The following RSRC1 variants were observed in gnomAD, a reference collection of about 807,000 sequenced individuals.
The protein encoded by RSRC1 is serine/Arginine-related protein 53.
RSRC1 carries 39 observed loss-of-function variants against 49.1 expected under a neutral mutation model. The ratio of observed to expected loss-of-function variants is 0.79; its 90% confidence interval spans 0.61 to 1.04. RSRC1 has a LOEUF of 1.04. Ranked by LOEUF, RSRC1 falls within the 50% of genes least tolerant of loss-of-function variation. RSRC1 has a pLI of 0.00. For missense variants in RSRC1, 388 were observed against 402.4 expected (o/e 0.96, Z 0.31); for synonymous variants, 143 against 130.8 (o/e 1.09, Z -0.63).
intron 3 of RSRC1, among the ~76,000 whole-genome samples, chr3:158,137,798 C>T (rs932670042): frequency 4.0e-5 from 6 of 151,732 alleles, no homozygotes; most frequent in South Asian, 2.1e-4. Context: ...GGATTACAGG[C>T]GCCCACCACC....
chr3:158,475,589 A>G (rs776370713), intron 7 of RSRC1, among the ~76,000 whole-genome samples: 2 of 152,098 alleles, frequency 1.3e-5, no homozygotes, highest in Non-Finnish European at 2.9e-5. Flanking sequence ...TGTCATTGTG[A>G]TGACTGATCA....
At chr3:158,481,500 T>C (rs757515992) in intron 7 of RSRC1, among the ~76,000 whole-genome samples, 4 of 152,078 alleles carry the variant, frequency 2.6e-5, no homozygotes, top group Non-Finnish European at 4.4e-5. Context: ...TACTGTGAGT[T>C]TGGAATTCAG....
chr3:158,137,458 GC>G (rs1410728001), intron 3 of RSRC1, among the ~76,000 whole-genome samples: 1 of 151,408 alleles, frequency 6.6e-6, no homozygotes. Flanking sequence ...TTAAGATGAT[GC>G]CCTTGCAGTT....
chr3:158,359,444 G>A (rs1369073878), intron 6 of RSRC1, among the ~76,000 whole-genome samples: 2 of 152,224 alleles, frequency 1.3e-5, no homozygotes, highest in Non-Finnish European at 2.9e-5. Context: ...ATTCTTTGGT[G>A]TTATCGGATC....
At chr3:158,366,400 G>A (rs1578392601) in intron 6 of RSRC1, among the ~76,000 whole-genome samples, 1 of 152,172 alleles carries the variant, frequency 6.6e-6, no homozygotes, top group East Asian at 1.9e-4. Flanking sequence ...TTATTAAATA[G>A]GGAGTCCTTT....
intron 1 of RSRC1, among the ~76,000 whole-genome samples, chr3:158,121,067 A>G (rs903091344): frequency 1.3e-5 from 2 of 151,904 alleles, no homozygotes; most frequent in Admixed American, 1.3e-4. Flanking sequence ...ACTATATTTT[A>G]TATTATGAAA....
At chr3:158,395,604 A>G (rs1165858277) in intron 6 of RSRC1, among the ~76,000 whole-genome samples, 3 of 152,178 alleles carry the variant, frequency 2.0e-5, no homozygotes, top group Non-Finnish European at 2.9e-5. Flanking sequence ...TGCTAGAGAT[A>G]TGCAAACCAA....
At chr3:158,444,389 C>G (rs1736565153) in intron 6 of RSRC1, among the ~76,000 whole-genome samples, 1 of 151,966 alleles carries the variant, frequency 6.6e-6, no homozygotes, top group African/African-American at 2.4e-5. Flanking sequence ...GCAAACCTGA[C>G]AAAAACAAGC....
intron 4 of RSRC1, among the ~76,000 whole-genome samples, chr3:158,229,330 A>C (rs1722794266): frequency 6.6e-6 from 1 of 150,450 alleles, no homozygotes; most frequent in African/African-American, 2.4e-5. Context: ...ATACACAGGT[A>C]TATGTGTATG....
chr3:158,149,418 A>G (rs1717374512), intron 3 of RSRC1, among the ~76,000 whole-genome samples: 2 of 152,080 alleles, frequency 1.3e-5, no homozygotes, highest in Admixed American at 6.6e-5. Context: ...AGGTATTCCC[A>G]TCTGGTTTGG....
In RSRC1 at chr3:158,532,065, T is replaced by C. The variant is rs375436853; in HGVS notation, c.653-5027T>C. On this transcript the variant is annotated intron_variant, in intron 7 of 9. Coordinates refer to ENST00000611884, the MANE Select transcript of RSRC1 (RefSeq NM_001271838.2). ...TATTGTTGACTATAATTTGAGCTAA[T>C]TTAATATGAAAATAAGATAATCTTT... Among the ~76,000 whole-genome samples, 40 of 152,028 alleles carry C rather than the reference T, an allele frequency of 2.6e-4. No individual in the cohort carries two copies. In the South Asian group the frequency reaches 3.1e-3, roughly 12 times the overall value.
At chr3:158,236,147 C>A (rs1304992981) in intron 4 of RSRC1, among the ~76,000 whole-genome samples, 2 of 151,546 alleles carry the variant, frequency 1.3e-5, no homozygotes, top group Admixed American at 1.3e-4. Context: ...AAAAATAAAC[C>A]CAGAGTTATC....
chr3:158,242,796 C>A (rs932326037), intron 4 of RSRC1, among the ~76,000 whole-genome samples: 1 of 152,006 alleles, frequency 6.6e-6, no homozygotes, highest in African/African-American at 2.4e-5. Flanking sequence ...TTGCATTTCT[C>A]TAATAATCTG....
At chr3:158,367,196 G>T (rs545996083) in intron 6 of RSRC1, among the ~76,000 whole-genome samples, 32 of 152,134 alleles carry the variant, frequency 2.1e-4, no homozygotes, top group African/African-American at 7.2e-4. Context: ...GTGAGAGAGG[G>T]CATCCTTGTC....
intron 4 of RSRC1, chr3:158,276,293 G>T (rs971673659): frequency 2.6e-6 from 2 of 762,410 alleles, no homozygotes; most frequent in Non-Finnish European, 4.8e-6. Flanking sequence ...TATCAGGCCA[G>T]ATGGGGTGGG....
At chr3:158,404,451 A>T (rs769833788) in intron 6 of RSRC1, among the ~76,000 whole-genome samples, 1 of 151,962 alleles carries the variant, frequency 6.6e-6, no homozygotes, top group African/African-American at 2.4e-5. Context: ...TAATTCAGTC[A>T]CTGCTACAAA....
At chr3:158,265,638 A>C (rs2108044141) in intron 4 of RSRC1, among the ~76,000 whole-genome samples, 1 of 152,002 alleles carries the variant, frequency 6.6e-6, no homozygotes, top group Admixed American at 6.5e-5. Flanking sequence ...TCTCAAAAAA[A>C]AAAAATTTTA....
intron 3 of RSRC1, among the ~76,000 whole-genome samples, chr3:158,195,287 A>T (rs1400502163): frequency 1.3e-5 from 2 of 151,574 alleles, no homozygotes; most frequent in African/African-American, 4.8e-5. Context: ...TTGGCTGCAT[A>T]AATGTCTTCT....
At chr3:158,138,803 G>A (rs750486250) in intron 3 of RSRC1, among the ~76,000 whole-genome samples, 1 of 152,104 alleles carries the variant, frequency 6.6e-6, no homozygotes, top group Non-Finnish European at 1.5e-5. Flanking sequence ...CTGTGAAATT[G>A]CAGAATTGTA....
Sources: gnomAD v4.1 joint callset for allele counts (sites outside exome capture counted in the v4.1 genomes callset) on GRCh38, gnomAD v4.1.1 for gene constraint, MANE v1.5 for transcripts, NCBI Gene and HGNC (gene_info 2026-07-23, HGNC 2026-07-21) for gene names.